MAD2L2: variants seen among roughly 807,000 people sequenced by gnomAD.
The protein encoded by MAD2L2 is mitotic spindle assembly checkpoint protein MAD2B.
In MAD2L2, 17 loss-of-function variants were observed where a neutral mutation model predicts 30.5. That is an observed-to-expected ratio of 0.56 (90% CI 0.38 to 0.84). The LOEUF (loss-of-function observed/expected upper bound fraction) is 0.84. Among genes scored for constraint, MAD2L2 ranks in the 40% least tolerant of loss-of-function variants. The pLI, the probability that MAD2L2 is intolerant of heterozygous loss-of-function variation, is 0.00. For missense variants in MAD2L2, 213 were observed against 277.4 expected, an observed-to-expected ratio of 0.77 and a Z score of 1.65; for synonymous variants, 101 against 113.9, an observed-to-expected ratio of 0.89 and a Z score of 0.72.
At chr1:11,675,213 G>C in intron 7 of MAD2L2, 39 bp from the exon 8 acceptor site, 1 of 1,425,768 alleles carries the variant, frequency 7.0e-7, no homozygotes, top group South Asian at 1.3e-5. Context: ...GACGGGGCTG[G>C]GCCCTGGCCT....
chr1:11,677,128 A>C, intron 4 of MAD2L2, 180 bp from the exon 5 acceptor site: 1 of 648,054 alleles, frequency 1.5e-6, no homozygotes, highest in South Asian at 1.7e-5. Context: ...ACCCTCCAGC[A>C]TGAGTGGTGT....
At chr1:11,676,526 T>A (rs980019100) in intron 5 of MAD2L2, among the ~76,000 whole-genome samples, 3 of 152,148 alleles carry the variant, frequency 2.0e-5, no homozygotes, top group African/African-American at 7.2e-5. Flanking sequence ...TGCCCTGACC[T>A]CACCATTGGA....
chr1:11,676,796 G>A lies in MAD2L2; in HGVS notation c.332+52C>T, dbSNP rs372333146. 185 of 1,440,348 alleles carry A rather than the reference G, an allele frequency of 1.3e-4. No homozygotes were observed. The African/African-American group carries it at 2.2e-3, about 17-fold the overall frequency. 89.2% of individuals were successfully genotyped at this position (1,440,348 alleles called of 1,614,324 possible). On this transcript the variant is annotated intron_variant, in intron 5 of 8. Transcript: ENST00000376692. ...GCCGCCTTAAAGGGGTGGGTGTGTT[G>A]CCAGAGACACACCTGATGCCAGCTA...
chr1:11,677,497 G>C (rs1319193697), intron 4 of MAD2L2, 46 bp downstream of exon 4: 2 of 1,565,416 alleles, frequency 1.3e-6, no homozygotes, highest in Non-Finnish European at 1.8e-6. Flanking sequence ...ACAGGGACGG[G>C]GGTGAGCATG....
rs562993810 is a variant in MAD2L2 at position 11,690,085 on chromosome 1, C to T, written c.-692+1328G>A. ...TATGTAAAACAACACCTCGTCCCTT[C>T]ATGCTTTGTCTGTAATGTGCTTTAC... On this transcript the variant is annotated intron_variant, in intron 1 of 10. Coordinates refer to the MAD2L2 transcript ENST00000235310. The surrounding 1 kb of genome is among the most constrained non-coding windows in gnomAD (Gnocchi z 4.2). Among the ~76,000 whole-genome samples the T allele has an allele frequency of 3.5e-4, 54 of 152,222 alleles. No individual in the cohort carries two copies. The highest frequency in any genetic ancestry group is 7.1e-4 in the Non-Finnish European group (48 of 68,010).
At chr1:11,680,775 T>C (rs1436772477) in intron 1 of MAD2L2, 162 bp from the exon 2 acceptor site, 6 of 1,352,848 alleles carry the variant, frequency 4.4e-6, no homozygotes, top group Non-Finnish European at 5.7e-6. Context: ...ACCCCCACGC[T>C]GGCGTCCGTG....
rs1640977846 is a variant in MAD2L2, at chr1:11,687,355, T to C, written c.-692+4058A>G. On this transcript the variant is annotated intron_variant, in intron 1 of 10. Coordinates refer to the MAD2L2 transcript ENST00000235310. This position sits in a 1 kb window ranked among gnomAD's most constrained non-coding sequence, Gnocchi z 4.1. ...CCCCGATTCAAGCGATTCTCCTGCC[T>C]CAGCCTCCCGAGTAGCTGGGACTAC... Among the ~76,000 whole-genome samples, 1 of 152,226 alleles carries C rather than the reference T, an allele frequency of 6.6e-6. No individual in the cohort carries two copies. Among genetic ancestry groups the C allele is most frequent in the Admixed American group, 6.5e-5 (1 of 15,282 alleles).
At chr1:11,681,890 A>C (rs988628913), upstream of MAD2L2, 1 of 152,068 alleles carries the variant, frequency 6.6e-6, no homozygotes, top group African/African-American at 2.4e-5. Context: ...AACCTGCCCG[A>C]GTCTCCCAGC....
chr1:11,690,839 G>A lies in MAD2L2; in HGVS notation c.-692+574C>T, dbSNP rs1028546520. Among the ~76,000 whole-genome samples the A allele has an allele frequency of 9.9e-5, 15 of 152,154 alleles. No homozygotes were observed. Among genetic ancestry groups the A allele is most frequent in the Admixed American group, 9.8e-4 (15 of 15,292 alleles). ...GCCCCGCGCGGTGATGGATGAGCCGGCCCCAGCGCTGGCTTTGTCCGGGTT... is the reference window on the plus strand; with the variant it reads ...GCCCCGCGCGGTGATGGATGAGCCGACCCCAGCGCTGGCTTTGTCCGGGTT... On this transcript the variant is annotated intron_variant, in intron 1 of 10. Transcript: ENST00000235310. This position sits in a 1 kb window ranked among gnomAD's most constrained non-coding sequence, Gnocchi z 4.2.
Position 11,675,141 on chromosome 1 carries a change from C to T in MAD2L2, c.535G>A (p.Val179Ile), listed in dbSNP as rs1640736774. 6.2e-7 allele frequency: 1 copy of T among 1,603,974 alleles called. No homozygotes were observed. Among genetic ancestry groups the T allele is most frequent in the Non-Finnish European group, 8.5e-7 (1 of 1,174,510 alleles). The stretch of plus-strand genomic sequence containing the variant: ...ATCAGCCGGGGGTCATGCATGTGGA[C>T]ATCCTGCTCATCCGCCAGGATCCAG... ...FPWILADEQD[V>I]HMHDPRLIPL... The change falls in exon 8 of 9, where the codon GTC becomes ATC. Residue 179 changes from valine to isoleucine, a missense_variant. Val to Ile is a conservative substitution (Grantham distance 29, BLOSUM62 3). Transcript: ENST00000376692.
At chr1:11,677,022 G>T in intron 4 of MAD2L2, 74 bp from the exon 5 acceptor site, 2 of 1,162,652 alleles carry the variant, frequency 1.7e-6, no homozygotes, top group Non-Finnish European at 2.6e-6. Flanking sequence ...CCACCCCCTT[G>T]CCCAAGGAAG....
Position 11,681,054 on chromosome 1 carries a change from T to G in MAD2L2, c.-28A>C, listed in dbSNP as rs1640868251. The stretch of plus-strand genomic sequence containing the variant: ...CCCCCAGTACCGGCTCTGCGCTCGG[T>G]TCCCGCCCGAGATCGGGCCCGGCCC... On this transcript the variant is annotated 5_prime_UTR_variant, in exon 1 of 9. Coordinates refer to ENST00000376692, the MANE Select transcript of MAD2L2 (RefSeq NM_006341.4). 2.0e-5 allele frequency: 3 copies of G among 151,038 alleles called. No individual in the cohort carries two copies. Among genetic ancestry groups the G allele is most frequent in the East Asian group, 2.0e-4 (1 of 5,102 alleles). The allele number at this position is 151,038 out of a possible 1,614,324, so 9.4% of individuals were successfully genotyped here.
At chr1:11,675,970 A>G (rs774257384) in intron 6 of MAD2L2, 76 bp downstream of exon 6, 4 of 1,270,660 alleles carry the variant, frequency 3.1e-6, no homozygotes, top group African/African-American at 1.5e-5. Flanking sequence ...ACAGCCAAAC[A>G]TGGACCTGGG....
chr1:11,680,455 G>A lies in MAD2L2; in HGVS notation c.57C>T (p.Leu19=). 3 of 1,613,876 alleles carry A rather than the reference G, an allele frequency of 1.9e-6. No individual in the cohort carries two copies. The highest frequency in any genetic ancestry group is 2.5e-6 in the Non-Finnish European group (3 of 1,179,882). ...LNFGQVVADV[L]CEFLEVAVHL... ...GCACAGCCACCTCCAGGAACTCGCA[G>A]AGCACATCGGCCACCACTGCAGGGG... The change falls in exon 3 of 9, where the codon CTC becomes CTT. Residue 19 remains leucine, a synonymous_variant. Transcript: ENST00000376692.
Position 11,676,075 on chromosome 1 carries a change from C to G in MAD2L2, c.398G>C (p.Cys133Ser). 2 of 1,613,288 alleles carry G rather than the reference C, an allele frequency of 1.2e-6. No individual in the cohort carries two copies. Among genetic ancestry groups the G allele is most frequent in the Non-Finnish European group, 1.7e-6 (2 of 1,179,700 alleles). The stretch of plus-strand genomic sequence containing the variant: ...GGGGTTGTGGTCCAGGACGGCATCG[C>G]ACACGCTGATCTTCAGGATGAAGGC... The part of the protein sequence containing the change: ...LRAFILKISV[C>S]DAVLDHNPPG... The change falls in exon 6 of 9, where the codon TGC becomes TCC. Residue 133 changes from cysteine (C) to serine (S), a missense_variant. Coordinates refer to ENST00000376692, the MANE Select transcript of MAD2L2 (RefSeq NM_006341.4).
chr1:11,681,344 G>A (rs547539404), upstream of MAD2L2: 4 of 152,382 alleles, frequency 2.6e-5, no homozygotes, highest in African/African-American at 9.6e-5. Flanking sequence ...GGGTGGGCGC[G>A]AAGAAAACAC....
intron 5 of MAD2L2, 58 bp from the exon 6 acceptor site, chr1:11,676,198 T>C: frequency 1.7e-6 from 2 of 1,192,994 alleles, no homozygotes; most frequent in South Asian, 2.8e-5. Context: ...ACCACAGGCA[T>C]CAAGCCTGGA....
rs1303918228 is a variant in MAD2L2 at position 11,690,450 on chromosome 1, A to C, written c.-692+963T>G. Among the ~76,000 whole-genome samples, 4 of 152,178 alleles carry C rather than the reference A, an allele frequency of 2.6e-5. No homozygotes were observed. In the East Asian group the frequency reaches 7.7e-4, roughly 29 times the overall value. On this transcript the variant is annotated intron_variant, in intron 1 of 10. Coordinates refer to the MAD2L2 transcript ENST00000235310. The surrounding 1 kb of genome is among the most constrained non-coding windows in gnomAD (Gnocchi z 4.2). ...GTTATCTCCTTACACAGGGCACTGC[A>C]TTCACGCCTAGAACACTGAAATTTA...
rs191017839 is a variant in MAD2L2 at position 11,690,270 on chromosome 1, T to C, written c.-692+1143A>G. Among the ~76,000 whole-genome samples, 2 of 152,244 alleles carry C rather than the reference T, an allele frequency of 1.3e-5. No individual in the cohort carries two copies. The highest frequency in any genetic ancestry group is 3.9e-4 in the East Asian group (2 of 5,176). ...GTGCCGGCACATAGTAGGTGTTCAA[T>C]AGGTATTTATGGGATGGATGACTCA... On this transcript the variant is annotated intron_variant, in intron 1 of 10. Transcript: ENST00000235310. The surrounding 1 kb of genome is among the most constrained non-coding windows in gnomAD (Gnocchi z 4.2).
Sources: allele counts gnomAD v4.1 joint callset (sites outside exome capture counted in the v4.1 genomes callset), GRCh38; gene constraint gnomAD v4.1.1; non-coding constraint Gnocchi (gnomAD v3.1); transcripts MANE v1.5; gene names NCBI Gene and HGNC (gene_info 2026-07-23, HGNC 2026-07-21).